Variants in TAF4 observed in about 807,000 individuals in gnomAD.
TAF4 encodes the protein TATA-box binding protein associated factor 4, also known as transcription initiation factor TFIID subunit 4.
A neutral mutation model predicts 90.3 loss-of-function variants in TAF4; 9 were observed. That is an observed-to-expected ratio of 0.10 (90% CI 0.06 to 0.17). The LOEUF (loss-of-function observed/expected upper bound fraction) is 0.17, where lower values mean the gene tolerates loss of function less well. TAF4 is among the 10% of genes least tolerant of loss of function. TAF4 has a pLI of 1.00. For missense variants in TAF4, 1,351 were observed against 1,370.7 expected, an observed-to-expected ratio of 0.99 and a Z score of 0.23; for synonymous variants, 818 against 638.9, an observed-to-expected ratio of 1.28 and a Z score of -4.23.
chr20:61,988,809 C>T (rs956784739), intron 14 of TAF4, among the ~76,000 whole-genome samples: 6 of 152,180 alleles, frequency 3.9e-5, no homozygotes, highest in African/African-American at 1.2e-4. Flanking sequence ...GTTCTCGATA[C>T]TCCACGTACC....
chr20:62,044,267 T>G (rs1197879103), intron 1 of TAF4, among the ~76,000 whole-genome samples: 2 of 152,334 alleles, frequency 1.3e-5, no homozygotes, highest in East Asian at 3.8e-4. Flanking sequence ...CTACCAGAGA[T>G]GATCTCCAGA....
At chr20:62,052,233 G>A (rs1156622082) in intron 1 of TAF4, among the ~76,000 whole-genome samples, 1 of 103,840 alleles carries the variant, frequency 9.6e-6, no homozygotes, top group Non-Finnish European at 2.0e-5. Context: ...TCCCCCTCCC[G>A]CCCCACCCAT....
chr20:61,987,924 C>G (rs1012018103), intron 14 of TAF4, among the ~76,000 whole-genome samples: 5 of 152,212 alleles, frequency 3.3e-5, no homozygotes, highest in Non-Finnish European at 7.3e-5. Context: ...CATGAAAAAA[C>G]ACGGAGGAAC....
chr20:61,979,483 G>C (rs1461130224), intron 14 of TAF4, among the ~76,000 whole-genome samples: 1 of 147,416 alleles, frequency 6.8e-6, no homozygotes, highest in African/African-American at 2.5e-5. Context: ...ACTCCAGAGG[G>C]ACTGCGGCCC....
intron 1 of TAF4, among the ~76,000 whole-genome samples, chr20:62,041,701 T>C (rs568019247): frequency 6.6e-6 from 1 of 150,674 alleles, no homozygotes; most frequent in East Asian, 2.0e-4. Context: ...GCGGGTGAGA[T>C]GGGAAGACTG....
intron 1 of TAF4, among the ~76,000 whole-genome samples, chr20:62,060,065 C>T (rs1266152844): frequency 6.6e-6 from 1 of 152,254 alleles, no homozygotes; most frequent in Non-Finnish European, 1.5e-5. Flanking sequence ...GTCTGTGCTG[C>T]TCTGACCAGA....
intron 1 of TAF4, among the ~76,000 whole-genome samples, chr20:62,033,018 A>G (rs762341195): frequency 4.6e-5 from 7 of 150,978 alleles, no homozygotes; most frequent in African/African-American, 1.2e-4. Flanking sequence ...ATGCGGGGGG[A>G]AAAAAAGAGG....
chr20:61,989,013 A>G (rs569984411), intron 14 of TAF4, among the ~76,000 whole-genome samples: 91 of 152,262 alleles, frequency 6.0e-4, no homozygotes, highest in African/African-American at 2.1e-3. Flanking sequence ...CGGAAGAAAA[A>G]AACAAATACA....
Position 62,064,567 on chromosome 20 carries a change from G to A in TAF4, c.1244C>T (p.Thr415Met), listed in dbSNP as rs1238848449. Residue 415 changes from threonine to methionine, a missense_variant, in exon 1 of 15, where the codon ACG (threonine) becomes ATG (methionine). Physicochemically the swap from Thr to Met is moderately conservative, Grantham distance 81 (BLOSUM62 -1). Transcript: ENST00000252996. ...AATCCCGCTGGTGGTGGCCGTGGGC[G>A]TCCGGGACAGGCTCTGGGTCACTGC... The part of the protein sequence containing the change: ...AGAVTQSLSR[T>M]PTATTSGIRA... 11 of 1,514,060 alleles carry A rather than the reference G, an allele frequency of 7.3e-6. No homozygotes were observed. In the African/African-American group the frequency reaches 9.9e-5, roughly 14 times the overall value. 93.8% of individuals were successfully genotyped at this position (1,514,060 alleles called of 1,614,324 possible). A position where few individuals can be genotyped will look rare whatever the true frequency, so the allele number is the denominator to read the frequency against.
intron 14 of TAF4, chr20:61,981,111 C>T (rs994601351): frequency 3.3e-5 from 5 of 152,262 alleles, no homozygotes; most frequent in African/African-American, 7.2e-5. Flanking sequence ...TGGAGGACAA[C>T]TTCCGTCCTG....
chr20:62,008,515 G>C, intron 5 of TAF4, among the ~76,000 whole-genome samples: 1 of 148,606 alleles, frequency 6.7e-6, no homozygotes, highest in East Asian at 2.0e-4. Flanking sequence ...AGGGGACAGA[G>C]TGCTGTTCTC....
intron 9 of TAF4, among the ~76,000 whole-genome samples, chr20:62,001,015 C>T (rs759446243): frequency 2.6e-5 from 4 of 152,208 alleles, no homozygotes; most frequent in Non-Finnish European, 4.4e-5. Flanking sequence ...GGGAGCAGCG[C>T]GGGGACTTGT....
At chr20:62,028,553 G>T (rs1207252168) in intron 1 of TAF4, among the ~76,000 whole-genome samples, 1 of 152,108 alleles carries the variant, frequency 6.6e-6, no homozygotes, top group Non-Finnish European at 1.5e-5. Context: ...AGAACACTGC[G>T]GGGCGACTGT....
intron 1 of TAF4, among the ~76,000 whole-genome samples, chr20:62,059,837 C>A (rs560551207): frequency 1.3e-5 from 2 of 152,228 alleles, no homozygotes; most frequent in Admixed American, 6.5e-5. Context: ...CCCTGTTACA[C>A]CTCTGCTTCA....
At chr20:62,007,692 T>C (rs1347735042) in intron 5 of TAF4, 56 bp from the exon 6 acceptor site, 94 of 1,486,936 alleles carry the variant, frequency 6.3e-5, no homozygotes, top group Non-Finnish European at 7.9e-5. Flanking sequence ...CACACACTTC[T>C]GAATCCCGCA....
At chr20:61,998,477 CA>C (rs1403965921) in intron 12 of TAF4, among the ~76,000 whole-genome samples, 2 of 152,218 alleles carry the variant, frequency 1.3e-5, no homozygotes, top group Non-Finnish European at 2.9e-5. Context: ...CGCATGATGG[CA>C]GGCAGAATGG....
At chr20:62,012,727 A>C in intron 3 of TAF4, 88 bp downstream of exon 3, 1 of 1,354,426 alleles carries the variant, frequency 7.4e-7, no homozygotes, top group Non-Finnish European at 9.5e-7. Context: ...AAAAAAAAAA[A>C]AAAACTCCTA....
intron 1 of TAF4, among the ~76,000 whole-genome samples, chr20:62,030,626 C>T (rs185337645): frequency 5.3e-5 from 8 of 152,272 alleles, no homozygotes; most frequent in Non-Finnish European, 1.2e-4. Flanking sequence ...TCTTGCTTGC[C>T]CTACTCCACA....
Position 62,003,751 on chromosome 20 carries a change from T to A in TAF4, c.2351A>T (p.Gln784Leu), listed in dbSNP as rs1171517336. ...CTCACCTGGCTGCAGTGGGTTCAGC[T>A]GGATCTGCTGAGGCGTGGTGAGCAT... Reference protein sequence around the residue: ...RIMLTTPQQIQLNPLQPVPVV... With the variant: ...RIMLTTPQQILLNPLQPVPVV... The change falls in exon 8 of 15, where the codon CAG (glutamine) becomes CTG (leucine). Residue 784 changes from glutamine to leucine, a missense_variant. This residue lies in a region of TAF4 where 202 missense variants were observed against 229.7 expected (regional missense o/e 0.88). Transcript: ENST00000252996. 6.2e-7 allele frequency: 1 copy of A among 1,603,046 alleles called. No homozygotes were observed. Among genetic ancestry groups the A allele is most frequent in the Non-Finnish European group, 8.5e-7 (1 of 1,177,834 alleles).
Sources: gnomAD v4.1 joint callset for allele counts (sites outside exome capture counted in the v4.1 genomes callset) on GRCh38, gnomAD v4.1.1 for gene constraint, gnomAD v4.1.1 regional missense constraint, MANE v1.5 for transcripts, NCBI Gene and HGNC (gene_info 2026-07-23, HGNC 2026-07-21) for gene names.